NEDD4: variants seen among roughly 807,000 people sequenced by gnomAD.
NEDD4 encodes E3 ubiquitin-protein ligase NEDD4.
In NEDD4, 99 loss-of-function variants were observed where a neutral mutation model predicts 144.9. The ratio of observed to expected loss-of-function variants is 0.68; its 90% CI spans 0.58 to 0.81. NEDD4 has a LOEUF of 0.81. Among genes scored for constraint, NEDD4 ranks in the 30% least tolerant of loss-of-function variants. NEDD4 has a pLI of 0.00. For synonymous variants in NEDD4, 318 were observed against 350.6 expected (o/e 0.91, Z 1.04); for missense variants, 985 against 1,065.9 (o/e 0.92, Z 1.06).
chr15:55,889,687 G>GTGTTT (rs1232189858), intron 5 of NEDD4, among the ~76,000 whole-genome samples: 14 of 151,798 alleles, frequency 9.2e-5, no homozygotes, highest in South Asian at 2.1e-4. Flanking sequence ...ATTTAATTTA[G>GTGTTT]TGTTTTGTTT....
intron 5 of NEDD4, 75 bp downstream of exon 5, chr15:55,924,571 C>T (rs1397600651): frequency 6.1e-6 from 8 of 1,320,212 alleles, no homozygotes; most frequent in Admixed American, 5.9e-5. Context: ...TCCCAGACTG[C>T]TTACCCACTT....
intron 5 of NEDD4, among the ~76,000 whole-genome samples, chr15:55,876,823 A>G (rs186262289): frequency 6.6e-6 from 1 of 152,252 alleles, no homozygotes; most frequent in East Asian, 1.9e-4. Context: ...ATTATTGTTT[A>G]AAAATATTTT....
At chr15:55,846,822 C>CA in intron 18 of NEDD4, 147 bp downstream of exon 18, 1 of 493,756 alleles carries the variant, frequency 2.0e-6, no homozygotes, top group South Asian at 3.0e-5. Flanking sequence ...CACAGCTACT[C>CA]AAAAAATGAG....
chr15:55,899,465 A>C (rs2035843257), intron 5 of NEDD4, among the ~76,000 whole-genome samples: 1 of 152,222 alleles, frequency 6.6e-6, no homozygotes, highest in African/African-American at 2.4e-5. Context: ...TATCAATGAA[A>C]ACAGGAAAAA....
chr15:55,962,179 C>T (rs995252028), intron 2 of NEDD4, among the ~76,000 whole-genome samples: 2 of 152,100 alleles, frequency 1.3e-5, no homozygotes, highest in Non-Finnish European at 2.9e-5. Context: ...TTACCAGATA[C>T]GAATATATCC....
intron 5 of NEDD4, among the ~76,000 whole-genome samples, chr15:55,905,806 T>C (rs1301899461): frequency 6.6e-6 from 1 of 152,200 alleles, no homozygotes; most frequent in Non-Finnish European, 1.5e-5. Context: ...GCAAAAATTT[T>C]CTCCCATTCT....
At chr15:55,836,670 T>C (rs2141968752) in intron 24 of NEDD4, among the ~76,000 whole-genome samples, 1 of 152,112 alleles carries the variant, frequency 6.6e-6, no homozygotes, top group African/African-American at 2.4e-5. Context: ...GGACTGCACG[T>C]GCACGCCACC....
At chr15:55,917,058 C>T (rs999434179) in intron 5 of NEDD4, 2 of 1,266,872 alleles carry the variant, frequency 1.6e-6, no homozygotes, top group African/African-American at 1.5e-5. Context: ...TGTCTTGAAT[C>T]GCTTGTAGTC....
chr15:55,988,503 A>AG (rs61193258), intron 1 of NEDD4, among the ~76,000 whole-genome samples: 9,691 of 147,782 alleles, frequency 0.066, 387 homozygotes, highest in Middle Eastern at 0.12. Context: ...AAAAAAAAAA[A>AG]AAAGAAAAAC....
At chr15:55,985,471 C>T (rs564945036) in intron 1 of NEDD4, among the ~76,000 whole-genome samples, 1 of 152,218 alleles carries the variant, frequency 6.6e-6, no homozygotes, top group Admixed American at 6.6e-5. Flanking sequence ...AATATTCCCA[C>T]TGGCATCCAA....
Position 55,952,394 on chromosome 15 carries a change from A to C in NEDD4, c.120-805T>G, listed in dbSNP as rs537203334. ...GTTATGTAACCACTTCTACAAGGAG[A>C]CATGGAGAAGGAAATTCTTGTGATA... On this transcript the variant is annotated intron_variant, in intron 2 of 28. Coordinates refer to ENST00000435532, the MANE Select transcript of NEDD4 (RefSeq NM_006154.4). Among the ~76,000 whole-genome samples, 11 of 143,586 alleles carry C rather than the reference A, an allele frequency of 7.7e-5. No individual in the cohort carries two copies. In the East Asian group the frequency reaches 1.7e-3, roughly 23 times the overall value. The allele number at this position is 143,586 out of a possible 152,430, so 94.2% of individuals were successfully genotyped here.
intron 1 of NEDD4, among the ~76,000 whole-genome samples, chr15:55,970,846 T>C (rs1595882619): frequency 6.6e-6 from 1 of 152,310 alleles, no homozygotes; most frequent in Non-Finnish European, 1.5e-5. Flanking sequence ...CTGTGAAGAT[T>C]AGAATAAATA....
intron 4 of NEDD4, among the ~76,000 whole-genome samples, chr15:55,929,456 CA>C (rs1227461811): frequency 4.6e-5 from 7 of 151,920 alleles, no homozygotes; most frequent in Admixed American, 4.6e-4. Context: ...TAGTACCCAA[CA>C]GGCAGCTTTT....
At chr15:55,887,806 A>C (rs1471017945) in intron 5 of NEDD4, among the ~76,000 whole-genome samples, 1 of 152,234 alleles carries the variant, frequency 6.6e-6, no homozygotes, top group African/African-American at 2.4e-5. Flanking sequence ...GATTCATTAC[A>C]GGGATGCAAG....
At chr15:55,880,917 G>T (rs575199053) in intron 5 of NEDD4, among the ~76,000 whole-genome samples, 1 of 152,104 alleles carries the variant, frequency 6.6e-6, no homozygotes, top group Non-Finnish European at 1.5e-5. Context: ...AAATACTGGC[G>T]TATATAATGA....
chr15:55,879,015 G>A (rs1289417782), intron 5 of NEDD4, among the ~76,000 whole-genome samples: 2 of 152,168 alleles, frequency 1.3e-5, no homozygotes, highest in Admixed American at 6.5e-5. Flanking sequence ...AGTAAAGACA[G>A]GTTTTACCAT....
chr15:55,925,523 G>C (rs1211273988), intron 4 of NEDD4, among the ~76,000 whole-genome samples: 1 of 152,082 alleles, frequency 6.6e-6, no homozygotes, highest in African/African-American at 2.4e-5. Context: ...AAGCTTTGTA[G>C]CACATGAATA....
chr15:55,905,110 A>G (rs2036046846), intron 5 of NEDD4: 1 of 319,436 alleles, frequency 3.1e-6, no homozygotes, highest in Non-Finnish European at 6.1e-6. Flanking sequence ...AAAAAAAGAA[A>G]AGAAAAGAAA....
chr15:55,842,105 G>A lies in NEDD4; in HGVS notation c.1667C>T (p.Ser556Phe). ...CTTGACACCCATAATTCTCCGGTAA[G>A]AGTCTTCAAGAACAGTTGCTCGGCG... is the stretch of plus-strand genomic sequence containing the variant. ...KLRRATVLEDSYRRIMGVKRA... is the reference protein window; with the variant it reads ...KLRRATVLEDFYRRIMGVKRA... The change falls in exon 19 of 29, where the codon TCT (serine) becomes TTT (phenylalanine). Residue 556 changes from serine to phenylalanine, a missense_variant. Transcript: ENST00000435532. 6.2e-7 allele frequency: 1 copy of A among 1,614,146 alleles called. No individual in the cohort carries two copies. The highest frequency in any genetic ancestry group is 8.5e-7 in the Non-Finnish European group (1 of 1,180,036).
Sources: gnomAD v4.1 joint callset for allele counts (sites outside exome capture counted in the v4.1 genomes callset) on GRCh38, gnomAD v4.1.1 for gene constraint, MANE v1.5 for transcripts, NCBI Gene and HGNC (gene_info 2026-07-23, HGNC 2026-07-21) for gene names.